GPC1: variants seen among roughly 807,000 people sequenced by gnomAD.
GPC1 encodes the protein glypican-1.
A neutral mutation model predicts 51.5 loss-of-function variants in GPC1; 26 were observed. That is an observed-to-expected ratio of 0.50 (90% CI 0.37 to 0.70). The LOEUF (loss-of-function observed/expected upper bound fraction) is 0.70, where lower values mean the gene tolerates loss of function less well. Among genes scored for constraint, GPC1 ranks in the 30% least tolerant of loss-of-function variants. The pLI is 0.00. For missense variants in GPC1, 775 were observed against 800.5 expected, an observed-to-expected ratio of 0.97 and a Z score of 0.38; for synonymous variants, 380 against 348.3, an observed-to-expected ratio of 1.09 and a Z score of -1.01.
intron 1 of GPC1, chr2:240,453,014 T>C (rs1243430927): frequency 5.7e-6 from 2 of 350,304 alleles, no homozygotes; most frequent in African/African-American, 2.4e-5. Flanking sequence ...GAGCCGCCGC[T>C]GCGAAGGGGG....
intron 1 of GPC1, 90 bp from the exon 2 acceptor site, chr2:240,458,940 C>A: frequency 8.0e-7 from 1 of 1,244,996 alleles, no homozygotes; most frequent in Non-Finnish European, 1.1e-6. Context: ...CACCCTGGGT[C>A]TGCCATCCTG....
At chr2:240,456,532 A>C in intron 1 of GPC1, 1 of 457,052 alleles carries the variant, frequency 2.2e-6, no homozygotes, top group Non-Finnish European at 4.6e-6. Context: ...GTCACCGGGA[A>C]GCTCAGCTGG....
intron 1 of GPC1, chr2:240,450,383 G>C: frequency 8.6e-6 from 3 of 349,210 alleles, no homozygotes; most frequent in South Asian, 6.3e-5. Flanking sequence ...TGCAGGGTTG[G>C]GGAGGCGGGG....
chr2:240,449,761 A>G (rs1001287638), intron 1 of GPC1: 9 of 454,770 alleles, frequency 2.0e-5, no homozygotes, highest in East Asian at 7.0e-5. Flanking sequence ...GTCTCTATGA[A>G]TCCGACTCCT....
At chr2:240,457,479 T>C in intron 1 of GPC1, 1 of 470,216 alleles carries the variant, frequency 2.1e-6, no homozygotes, top group Non-Finnish European at 4.4e-6. Context: ...GGTAGTTACC[T>C]AGTCCTGGGT....
intron 1 of GPC1, among the ~76,000 whole-genome samples, chr2:240,454,356 A>C (rs1212393019): frequency 6.6e-6 from 1 of 152,056 alleles, no homozygotes; most frequent in Non-Finnish European, 1.5e-5. Context: ...GTGCACCCTC[A>C]CCCCAGGAGG....
intron 1 of GPC1, chr2:240,456,702 C>T (rs1296021500): frequency 2.2e-6 from 1 of 454,952 alleles, no homozygotes; most frequent in Non-Finnish European, 4.7e-6. Context: ...CCTGAGTCTG[C>T]TCAGCCTGGC....
At chr2:240,456,012 A>G in intron 1 of GPC1, 1 of 430,750 alleles carries the variant, frequency 2.3e-6, no homozygotes, top group Admixed American at 2.6e-5. Flanking sequence ...CCGGCGCCCG[A>G]GCTCTGGCTC....
intron 1 of GPC1, chr2:240,451,696 CCA>C (rs1279935613): frequency 4.8e-6 from 1 of 206,828 alleles, no homozygotes; most frequent in Non-Finnish European, 9.7e-6. Flanking sequence ...CCTTTCATCC[CCA>C]GTCTGAGGCC....
At position 240,446,371 on chromosome 2, in the gene GPC1, C is replaced by T. The variant is rs115491113; in HGVS notation, c.166+10287C>T. Among the ~76,000 whole-genome samples the T allele has an allele frequency of 4.2e-3, 641 of 152,364 alleles. 3 individuals carry two copies. The highest frequency in any genetic ancestry group is 0.015 in the African/African-American group (612 of 41,588). On this transcript the variant is annotated intron_variant, in intron 1 of 8. Coordinates refer to ENST00000264039, the MANE Select transcript of GPC1 (RefSeq NM_002081.3). Reference sequence around the variant, plus strand: ...GCAGACAGAGCCCTTGCTCTCTGGACGCAGTTAGCGCAGAGACAGGGCACG... The same window carrying T: ...GCAGACAGAGCCCTTGCTCTCTGGATGCAGTTAGCGCAGAGACAGGGCACG...
intron 1 of GPC1, chr2:240,450,227 T>C (rs550528227): frequency 1.1e-4 from 34 of 320,632 alleles, no homozygotes; most frequent in Non-Finnish European, 1.8e-4. Flanking sequence ...CAGAGGTGCC[T>C]GGGCGGCCAC....
intron 7 of GPC1, 106 bp from the exon 8 acceptor site, chr2:240,465,367 G>C: frequency 6.7e-6 from 9 of 1,352,828 alleles, no homozygotes; most frequent in Non-Finnish European, 8.2e-6. Flanking sequence ...GTCCCTGGAA[G>C]CTGCTGGGCA....
At position 240,466,321 on chromosome 2, in the gene GPC1, G is replaced by T. The variant is rs2074261661; in HGVS notation, c.*31G>T. The T allele has an allele frequency of 7.9e-7, 1 of 1,262,222 alleles. No individual in the cohort carries two copies. The highest frequency in any genetic ancestry group is 2.3e-5 in the East Asian group (1 of 43,032). The allele number at this position is 1,262,222 out of a possible 1,614,324, so 78.2% of individuals were successfully genotyped here. A position where few individuals can be genotyped will look rare whatever the true frequency, so the allele number is the denominator to read the frequency against. ...CCAAGGCCCCAGGGACAGAGGCCAA[G>T]GACTGACTTTGCCAAAAATACAACA... is the stretch of plus-strand genomic sequence containing the variant. On this transcript the variant is annotated 3_prime_UTR_variant, in exon 9 of 9. Coordinates refer to ENST00000264039, the MANE Select transcript of GPC1 (RefSeq NM_002081.3).
At chr2:240,464,543 G>A (rs2074243689) in intron 4 of GPC1, 73 bp from the exon 5 acceptor site, 2 of 291,482 alleles carry the variant, frequency 6.9e-6, no homozygotes, top group Admixed American at 6.9e-5. Flanking sequence ...ACGTGGTGAC[G>A]CCTGCGTGTG....
rs953223679 is a variant in GPC1, at chr2:240,436,137, G to A, written c.166+53G>A. On this transcript the variant is annotated intron_variant, in intron 1 of 8. Coordinates refer to ENST00000264039, the MANE Select transcript of GPC1 (RefSeq NM_002081.3). ...CGGGCCTGGCCGGGCTTTGGGCTCC[G>A]GACCCTGGTCTTCCCGACGCGGCTA... 6 of 1,169,908 alleles carry A rather than the reference G, an allele frequency of 5.1e-6. No individual in the cohort carries two copies. The East Asian group carries it at 9.6e-5, about 19-fold the overall frequency. The allele number at this position is 1,169,908 out of a possible 1,614,324, so 72.5% of individuals were successfully genotyped here. A position where few individuals can be genotyped will look rare whatever the true frequency, so the allele number is the denominator to read the frequency against.
At position 240,435,774 on chromosome 2, in the gene GPC1, G is replaced by A. The variant is rs1043841795; in HGVS notation, c.-145G>A. ...GCCGCCGCCGGCTTTTGTTGTCTCC[G>A]CCTCCTCGGCCGCCGCCGCCTCTGG... On this transcript the variant is annotated 5_prime_UTR_variant, in exon 1 of 9. Coordinates refer to ENST00000264039, the MANE Select transcript of GPC1 (RefSeq NM_002081.3). 4 of 428,524 alleles carry A rather than the reference G, an allele frequency of 9.3e-6. No homozygotes were observed. Among genetic ancestry groups the A allele is most frequent in the Non-Finnish European group, 1.5e-5 (4 of 274,418 alleles). The allele number at this position is 428,524 out of a possible 1,614,324, so 26.5% of individuals were successfully genotyped here. A position where few individuals can be genotyped will look rare whatever the true frequency, so the allele number is the denominator to read the frequency against.
At chr2:240,458,960 G>A in intron 1 of GPC1, 70 bp from the exon 2 acceptor site, 3 of 1,462,862 alleles carry the variant, frequency 2.1e-6, no homozygotes, top group Admixed American at 1.8e-5. Context: ...GCCCAGGAGA[G>A]CCTGAGGGTG....
intron 3 of GPC1, 112 bp from the exon 4 acceptor site, chr2:240,463,235 G>A: frequency 1.2e-6 from 1 of 861,278 alleles, no homozygotes; most frequent in Non-Finnish European, 1.8e-6. Context: ...CAGAGCAGAG[G>A]CCTCCCCTGA....
intron 8 of GPC1, 131 bp downstream of exon 8, chr2:240,465,779 C>G: frequency 1.3e-6 from 1 of 774,120 alleles, no homozygotes; most frequent in Non-Finnish European, 2.1e-6. Context: ...AGTCTGAGGA[C>G]GCTGTGCTGC....
Sources: gnomAD v4.1 joint callset for allele counts (sites outside exome capture counted in the v4.1 genomes callset) on GRCh38, gnomAD v4.1.1 for gene constraint, MANE v1.5 for transcripts, NCBI Gene and HGNC (gene_info 2026-07-23, HGNC 2026-07-21) for gene names.